Variants in CSMD1 observed in about 807,000 individuals in gnomAD.
CSMD1 encodes CUB and sushi domain-containing protein 1.
Under a neutral mutation model 417.5 loss-of-function variants are expected in CSMD1, and 213 were observed. The observed-to-expected ratio is 0.51, with a 90% CI of 0.46 to 0.57. The LOEUF (loss-of-function observed/expected upper bound fraction) is 0.57. Among genes scored for constraint, CSMD1 ranks in the 20% least tolerant of loss-of-function variants. The pLI, the probability that CSMD1 is intolerant of heterozygous loss-of-function variation, is 0.00. For missense variants in CSMD1, 6,923 were observed against 4,529.7 expected (o/e 1.53, Z -15.17); for synonymous variants, 2,862 against 1,736.8 (o/e 1.65, Z -16.11).
At chr8:4,768,044 T>C (rs954931612) in intron 1 of CSMD1, among the ~76,000 whole-genome samples, 3 of 152,200 alleles carry the variant, frequency 2.0e-5, no homozygotes. Flanking sequence ...TGAGTTAGTC[T>C]TCTTTTTAAT....
intron 2 of CSMD1, among the ~76,000 whole-genome samples, chr8:4,454,821 T>C (rs1054045958): frequency 6.6e-6 from 1 of 152,150 alleles, no homozygotes; most frequent in Non-Finnish European, 1.5e-5. Context: ...ATCTCAACCA[T>C]AAGAAGAGCA....
intron 10 of CSMD1, among the ~76,000 whole-genome samples, chr8:3,548,710 C>G (rs1168371805): frequency 7.0e-6 from 1 of 142,398 alleles, no homozygotes; most frequent in African/African-American, 2.7e-5. Context: ...ACCATGGTTT[C>G]TTTTTCCACT....
chr8:3,237,637 A>G (rs924962158), intron 26 of CSMD1, among the ~76,000 whole-genome samples: 3 of 135,168 alleles, frequency 2.2e-5, no homozygotes, highest in African/African-American at 7.8e-5. Context: ...TTTTATACTT[A>G]TACTATAATT....
At chr8:4,715,491 TA>T (rs1808595471) in intron 1 of CSMD1, among the ~76,000 whole-genome samples, 1 of 152,214 alleles carries the variant, frequency 6.6e-6, no homozygotes, top group African/African-American at 2.4e-5. Context: ...TATAAATTGA[TA>T]ATCCTCAAAT....
intron 20 of CSMD1, among the ~76,000 whole-genome samples, chr8:3,362,654 C>T (rs898210845): frequency 1.3e-5 from 2 of 152,178 alleles, no homozygotes; most frequent in African/African-American, 4.8e-5. Flanking sequence ...CTCTTGAATA[C>T]ATCCCTCAAT....
At position 3,782,105 on chromosome 8, in the gene CSMD1, A is replaced by T. The variant is rs555371352; in HGVS notation, c.819-28063T>A. Among the ~76,000 whole-genome samples the T allele has an allele frequency of 2.0e-5, 3 of 152,344 alleles. No individual in the cohort carries two copies. In the South Asian group the frequency reaches 6.2e-4, roughly 32 times the overall value. ...AAATAAACAATAAAATTTGAGAGCC[A>T]TGAAGAATGTAGGGGTCATATAATT... On this transcript the variant is annotated intron_variant, in intron 5 of 69. Coordinates refer to ENST00000635120, the MANE Select transcript of CSMD1 (RefSeq NM_033225.6).
intron 1 of CSMD1, among the ~76,000 whole-genome samples, chr8:4,653,832 C>T (rs927804302): frequency 6.6e-6 from 1 of 152,054 alleles, no homozygotes; most frequent in Non-Finnish European, 1.5e-5. Context: ...TATCAAGTGC[C>T]ATGCTTTTAG....
chr8:4,508,261 G>C (rs1802636766), intron 2 of CSMD1, among the ~76,000 whole-genome samples: 1 of 151,036 alleles, frequency 6.6e-6, no homozygotes, highest in African/African-American at 2.4e-5. Flanking sequence ...CATCAGCTGT[G>C]TGTCTCACTT....
At chr8:3,458,738 T>C (rs892982304) in intron 12 of CSMD1, among the ~76,000 whole-genome samples, 1 of 152,222 alleles carries the variant, frequency 6.6e-6, no homozygotes. Context: ...GGTTTGTAAA[T>C]GGCTCTTAAT....
chr8:3,733,922 T>C (rs1796395324), intron 6 of CSMD1, among the ~76,000 whole-genome samples: 1 of 152,276 alleles, frequency 6.6e-6, no homozygotes, highest in East Asian at 1.9e-4. Flanking sequence ...GGGTTTGGTG[T>C]TAGCCACAGT....
At chr8:4,312,193 C>T (rs1050889883) in intron 3 of CSMD1, among the ~76,000 whole-genome samples, 2 of 151,792 alleles carry the variant, frequency 1.3e-5, no homozygotes, top group African/African-American at 4.8e-5. Context: ...AATGAACATA[C>T]ACACTATCTA....
At chr8:4,392,636 T>G (rs1373399994) in intron 3 of CSMD1, among the ~76,000 whole-genome samples, 2 of 151,012 alleles carry the variant, frequency 1.3e-5, no homozygotes, top group Admixed American at 1.3e-4. Context: ...AGGGGTTTTT[T>G]GGGGGGGAGG....
intron 1 of CSMD1, among the ~76,000 whole-genome samples, chr8:4,983,720 G>C (rs1016459253): frequency 6.6e-6 from 1 of 151,756 alleles, no homozygotes; most frequent in Admixed American, 6.6e-5. Context: ...GTAGAGACGG[G>C]GAAGAACAAC....
At chr8:3,156,621 G>A (rs370174346) in intron 39 of CSMD1, among the ~76,000 whole-genome samples, 1 of 152,064 alleles carries the variant, frequency 6.6e-6, no homozygotes, top group African/African-American at 2.4e-5. Context: ...AAATTCAAGA[G>A]GGTGCCTAAA....
chr8:4,307,835 C>T (rs1481746143), intron 3 of CSMD1, among the ~76,000 whole-genome samples: 1 of 152,160 alleles, frequency 6.6e-6, no homozygotes, highest in Non-Finnish European at 1.5e-5. Flanking sequence ...GATGATTTAA[C>T]TGTGGTGAAA....
In CSMD1 at chr8:4,441,095, GTTTTTTTTT is replaced by G. The variant is rs36000734; in HGVS notation, c.303-21039_303-21031del. Among the ~76,000 whole-genome samples, 3 of 51,296 alleles carry G rather than the reference GTTTTTTTTT, an allele frequency of 5.8e-5. 1 individual carries two copies. Among genetic ancestry groups the G allele is most frequent in the Non-Finnish European group, 7.2e-5 (2 of 27,812 alleles). 33.7% of individuals were successfully genotyped at this position (51,296 alleles called of 152,430 possible). On this transcript the variant is annotated intron_variant, in intron 2 of 69. Coordinates refer to ENST00000635120, the MANE Select transcript of CSMD1 (RefSeq NM_033225.6). ...AATAATTTGACTCGTTAATCAAAAG[GTTTTTTTTT>G]TTTTTTTTTTTTTTAAGAGATAGGG... is the stretch of plus-strand genomic sequence containing the variant.
intron 5 of CSMD1, among the ~76,000 whole-genome samples, chr8:3,913,111 G>C (rs886810142): frequency 2.0e-5 from 3 of 152,146 alleles, no homozygotes; most frequent in Non-Finnish European, 4.4e-5. Flanking sequence ...TGTTGCAGTG[G>C]TCATGTGGGG....
intron 2 of CSMD1, among the ~76,000 whole-genome samples, chr8:4,613,912 G>C (rs957555450): frequency 1.3e-5 from 2 of 149,448 alleles, no homozygotes; most frequent in East Asian, 3.9e-4. Context: ...TTCTGTACTT[G>C]AAATTTAGTA....
chr8:4,219,098 C>G (rs746459066), intron 3 of CSMD1, among the ~76,000 whole-genome samples: 1 of 152,128 alleles, frequency 6.6e-6, no homozygotes, highest in South Asian at 2.1e-4. Flanking sequence ...TCCTCTAACA[C>G]CCAGGGTAAA....
Sources: gnomAD v4.1 joint callset for allele counts (sites outside exome capture counted in the v4.1 genomes callset) on GRCh38, gnomAD v4.1.1 for gene constraint, MANE v1.5 for transcripts, NCBI Gene and HGNC (gene_info 2026-07-23, HGNC 2026-07-21) for gene names.